ENOX1: variants seen among roughly 807,000 people sequenced by gnomAD.
ENOX1 encodes the protein candidate growth-related and time keeping constitutive hydroquinone (NADH) oxidase.
Under a neutral mutation model 82.5 loss-of-function variants are expected in ENOX1, and 42 were observed. That is an observed-to-expected ratio of 0.51 (90% CI 0.40 to 0.66). The LOEUF (loss-of-function observed/expected upper bound fraction) is 0.66. ENOX1 is among the 30% of genes least tolerant of loss of function. The pLI, the probability that ENOX1 is intolerant of heterozygous loss-of-function variation, is 0.00. For missense variants in ENOX1, 608 were observed against 811.6 expected, an observed-to-expected ratio of 0.75 and a Z score of 3.05; for synonymous variants, 271 against 282.2, an observed-to-expected ratio of 0.96 and a Z score of 0.40.
At chr13:43,415,260 A>G (rs370777013) in intron 3 of ENOX1, among the ~76,000 whole-genome samples, 4,106 of 22,756 alleles carry the variant, frequency 0.18, 81 homozygotes, top group South Asian at 0.27. Context: ...TTTTTTTTTT[A>G]GTATTTATTG....
rs1389896776 is a variant in ENOX1 at position 43,213,423 on chromosome 13, A to G, written c.*567T>C. 1 of 152,154 alleles carries G rather than the reference A, an allele frequency of 6.6e-6. No individual in the cohort carries two copies. The highest frequency in any genetic ancestry group is 2.4e-5 in the African/African-American group (1 of 41,452). 9.4% of individuals were successfully genotyped at this position (152,154 alleles called of 1,614,324 possible). On this transcript the variant is annotated 3_prime_UTR_variant, in exon 17 of 17. Coordinates refer to ENST00000690772, the MANE Select transcript of ENOX1 (RefSeq NM_001347969.2). ...CTTCAATAAGGCAAAAGTCCCTGGA[A>G]CAGCATATAACTTAATTTACAAAAT...
At chr13:43,334,206 A>C (rs796922232) in intron 9 of ENOX1, among the ~76,000 whole-genome samples, 14 of 152,346 alleles carry the variant, frequency 9.2e-5, no homozygotes, top group African/African-American at 2.9e-4. Context: ...CGACTGTCTG[A>C]GGTAGGTGCT....
At chr13:43,431,040 TA>T (rs35144010) in intron 3 of ENOX1, among the ~76,000 whole-genome samples, 67,115 of 151,058 alleles carry the variant, frequency 0.44, 15,607 homozygotes, top group South Asian at 0.56. Flanking sequence ...CAAATGAACA[TA>T]AAAAAAAAAT....
At chr13:43,622,507 G>C (rs2082781002) in intron 2 of ENOX1, among the ~76,000 whole-genome samples, 1 of 152,156 alleles carries the variant, frequency 6.6e-6, no homozygotes, top group Admixed American at 6.5e-5. Flanking sequence ...TGCAGTAACT[G>C]TTGTCTGTCT....
chr13:43,716,178 A>G (rs905014241), intron 1 of ENOX1, among the ~76,000 whole-genome samples: 2 of 151,946 alleles, frequency 1.3e-5, no homozygotes, highest in Non-Finnish European at 2.9e-5. Flanking sequence ...TTTTTTCCCC[A>G]TCTTTGTGGT....
At chr13:43,317,987 A>G (rs2047608232) in intron 11 of ENOX1, among the ~76,000 whole-genome samples, 1 of 151,890 alleles carries the variant, frequency 6.6e-6, no homozygotes, top group South Asian at 2.1e-4. Context: ...CCTGGGTGAC[A>G]GAGCAAGACT....
intron 2 of ENOX1, among the ~76,000 whole-genome samples, chr13:43,648,925 G>A (rs1005873268): frequency 1.3e-5 from 2 of 152,226 alleles, no homozygotes; most frequent in Admixed American, 6.5e-5. Flanking sequence ...GCTGCAACCT[G>A]TATCAGCGAC....
At chr13:43,413,683 T>TTATA (rs1286586074) in intron 3 of ENOX1, among the ~76,000 whole-genome samples, 10 of 142,608 alleles carry the variant, frequency 7.0e-5, no homozygotes, top group Non-Finnish European at 1.3e-4. Flanking sequence ...ATTGCCCAGC[T>TTATA]TATATATATA....
chr13:43,332,140 C>T, intron 9 of ENOX1, among the ~76,000 whole-genome samples: 1 of 152,064 alleles, frequency 6.6e-6, no homozygotes, highest in East Asian at 1.9e-4. Flanking sequence ...CTAGATGAGG[C>T]CAGATATTTG....
chr13:43,324,316 AGTT>A (rs2047983305), intron 10 of ENOX1, among the ~76,000 whole-genome samples: 1 of 152,180 alleles, frequency 6.6e-6, no homozygotes, highest in Non-Finnish European at 1.5e-5. Flanking sequence ...GTCATATGGT[AGTT>A]GTTCTTGTGG....
intron 2 of ENOX1, among the ~76,000 whole-genome samples, chr13:43,591,658 A>T (rs9594978): frequency 0.31 from 47,625 of 152,058 alleles, 9,160 homozygotes; most frequent in Non-Finnish European, 0.43. Context: ...ATATGTATGT[A>T]ATGTTTTGTT....
chr13:43,371,949 G>T (rs2153568091), intron 5 of ENOX1, among the ~76,000 whole-genome samples: 1 of 152,246 alleles, frequency 6.6e-6, no homozygotes, highest in South Asian at 2.1e-4. Context: ...AGACTGTGTG[G>T]GCAAGGAGAA....
intron 12 of ENOX1, among the ~76,000 whole-genome samples, chr13:43,289,966 T>C (rs1039667212): frequency 6.8e-6 from 1 of 148,040 alleles, no homozygotes; most frequent in East Asian, 1.9e-4. Flanking sequence ...AACAAACATA[T>C]GAAAAAATGC....
In ENOX1 at chr13:43,477,147, G is replaced by C. The variant is rs928056524; in HGVS notation, c.-75+6862C>G. Among the ~76,000 whole-genome samples the C allele has an allele frequency of 7.4e-5, 11 of 148,596 alleles. No homozygotes were observed. In the East Asian group the frequency reaches 2.0e-3, roughly 26 times the overall value. ...AAAAATATTGCACATATATATGTGT[G>C]TATACATATATATACACATACATAT... On this transcript the variant is annotated intron_variant, in intron 3 of 16. Transcript: ENST00000690772.
intron 1 of ENOX1, among the ~76,000 whole-genome samples, chr13:43,672,616 C>A (rs1203352637): frequency 1.3e-5 from 2 of 152,290 alleles, no homozygotes; most frequent in South Asian, 4.1e-4. Context: ...CATTTTAAAG[C>A]AATCCCTAGA....
intron 3 of ENOX1, among the ~76,000 whole-genome samples, chr13:43,429,050 C>T (rs2055503137): frequency 2.6e-5 from 4 of 152,114 alleles, no homozygotes; most frequent in African/African-American, 9.7e-5. Context: ...GGGCAAGTCG[C>T]TTTCTCTGAC....
chr13:43,754,079 C>CACATATATAT (rs1950486763), intron 1 of ENOX1, among the ~76,000 whole-genome samples: 8 of 137,742 alleles, frequency 5.8e-5, no homozygotes, highest in African/African-American at 2.1e-4. Context: ...TATATAAATA[C>CACATATATAT]ACATATATAC....
chr13:43,323,781 T>C (rs1254097211), intron 10 of ENOX1, among the ~76,000 whole-genome samples: 1 of 152,256 alleles, frequency 6.6e-6, no homozygotes, highest in Non-Finnish European at 1.5e-5. Context: ...ATTAGGGGCA[T>C]GACTTGTGCC....
intron 1 of ENOX1, among the ~76,000 whole-genome samples, chr13:43,728,543 T>C (rs1264103459): frequency 6.6e-6 from 1 of 152,196 alleles, no homozygotes; most frequent in Non-Finnish European, 1.5e-5. Context: ...TAGATCATTG[T>C]TTCCCAAAAT....
Sources: allele counts gnomAD v4.1 joint callset (sites outside exome capture counted in the v4.1 genomes callset), GRCh38; gene constraint gnomAD v4.1.1; transcripts MANE v1.5; gene names NCBI Gene and HGNC (gene_info 2026-07-23, HGNC 2026-07-21).